FMO1: variants seen among roughly 807,000 people sequenced by gnomAD.
FMO1 encodes the protein flavin containing dimethylaniline monoxygenase 1.
In FMO1, 36 loss-of-function variants were observed where a neutral mutation model predicts 45.4. The ratio of observed to expected loss-of-function variants is 0.79; its 90% CI spans 0.61 to 1.05. FMO1 has a LOEUF of 1.05. Among genes scored for constraint, FMO1 ranks in the 50% least tolerant of loss-of-function variants. FMO1 has a pLI of 0.00. For missense variants in FMO1, 615 were observed against 640.3 expected (o/e 0.96, Z 0.43); for synonymous variants, 228 against 227.2 (o/e 1.00, Z -0.03).
At chr1:171,280,639 A>C in intron 5 of FMO1, 147 bp from the exon 6 acceptor site, 1 of 639,514 alleles carries the variant, frequency 1.6e-6, no homozygotes, top group Non-Finnish European at 2.8e-6. Context: ...AGAAGTTAGA[A>C]GAACCAAGAC....
intron 2 of FMO1, among the ~76,000 whole-genome samples, chr1:171,265,998 A>T (rs1020505555): frequency 3.3e-5 from 5 of 152,204 alleles, no homozygotes; most frequent in Non-Finnish European, 7.4e-5. Flanking sequence ...CATTTTTTTA[A>T]TGTATCTTCA....
At chr1:171,260,912 C>CA (rs71561566) in intron 2 of FMO1, among the ~76,000 whole-genome samples, 16,200 of 53,388 alleles carry the variant, frequency 0.3, 3,384 homozygotes, top group Non-Finnish European at 0.37. Context: ...GGCTCCATCT[C>CA]AAAAAAAAAA....
intron 3 of FMO1, among the ~76,000 whole-genome samples, chr1:171,274,583 A>G (rs2101829820): frequency 6.6e-6 from 1 of 152,350 alleles, no homozygotes; most frequent in South Asian, 2.1e-4. Flanking sequence ...ATGTAGAAAC[A>G]CAATAAGCAC....
chr1:171,278,222 T>C (rs1219636158), intron 4 of FMO1, among the ~76,000 whole-genome samples: 2 of 152,184 alleles, frequency 1.3e-5, no homozygotes, highest in East Asian at 1.9e-4. Flanking sequence ...ACATGAAACT[T>C]TGTGAATAGG....
At chr1:171,249,506 A>G (rs1002446558) in intron 1 of FMO1, among the ~76,000 whole-genome samples, 1 of 152,146 alleles carries the variant, frequency 6.6e-6, no homozygotes, top group African/African-American at 2.4e-5. Flanking sequence ...CAAGTTTCTT[A>G]CCAGCTGTGC....
In FMO1 at chr1:171,280,915, A is replaced by T. The variant is rs1661327126; in HGVS notation, c.757A>T (p.Thr253Ser). 10 of 1,613,902 alleles carry T rather than the reference A, an allele frequency of 6.2e-6. No homozygotes were observed. Among genetic ancestry groups the T allele is most frequent in the Non-Finnish European group, 8.5e-6 (10 of 1,179,856 alleles). ...LRNSLPTPIV[T>S]WLMERKINNW... ...AAATTCCCTCCCAACCCCAATTGTG[A>T]CTTGGTTGATGGAGCGAAAGATAAA... The change falls in exon 6 of 9, where the codon ACT becomes TCT. Residue 253 changes from threonine to serine, a missense_variant. Physicochemically the swap from Thr to Ser is moderately conservative, Grantham distance 58. Coordinates refer to ENST00000617670, the MANE Select transcript of FMO1 (RefSeq NM_001282693.2).
chr1:171,262,599 T>C (rs1263683473), intron 2 of FMO1, among the ~76,000 whole-genome samples: 1 of 152,222 alleles, frequency 6.6e-6, no homozygotes, highest in Non-Finnish European at 1.5e-5. Context: ...AGTGTAAAAA[T>C]ACTTCACACT....
intron 1 of FMO1, among the ~76,000 whole-genome samples, chr1:171,256,000 A>G (rs1377646858): frequency 1.3e-5 from 2 of 152,184 alleles, no homozygotes; most frequent in African/African-American, 2.4e-5. Flanking sequence ...TTGGCCGGGC[A>G]CAGTGGCTCA....
At position 171,258,149 on chromosome 1, in the gene FMO1, G is replaced by A. The variant is rs371790279; in HGVS notation, c.62G>A (p.Cys21Tyr). ...AGCGGCCTGGCCTCCATCAAGTGCTGTCTGGAAGAAGGACTGGAGCCCACC... is the reference window on the plus strand; with the variant it reads ...AGCGGCCTGGCCTCCATCAAGTGCTATCTGGAAGAAGGACTGGAGCCCACC... ...GVSGLASIKC[C>Y]LEEGLEPTCF... Residue 21 changes from cysteine to tyrosine, a missense_variant, in exon 2 of 9, where the codon TGT becomes TAT. Cys to Tyr is a radical substitution (Grantham distance 194). Transcript: ENST00000617670. 1.4e-5 allele frequency: 23 copies of A among 1,614,072 alleles called. No homozygotes were observed. The highest frequency in any genetic ancestry group is 1.9e-5 in the Non-Finnish European group (22 of 1,180,042).
At position 171,280,934 on chromosome 1, in the gene FMO1, A is replaced by G; in HGVS notation, c.776A>G (p.Lys259Arg). Residue 259 changes from lysine to arginine, a missense_variant, in exon 6 of 9, where the codon AAG becomes AGG. By Grantham distance (26) the Lys-to-Arg change is conservative (BLOSUM62 2). Coordinates refer to ENST00000617670, the MANE Select transcript of FMO1 (RefSeq NM_001282693.2). ...TPIVTWLMER[K>R]INNWLNHANY... The stretch of plus-strand genomic sequence containing the variant: ...ATTGTGACTTGGTTGATGGAGCGAA[A>G]GATAAACAACTGGCTCAATCATGCA... The G allele has an allele frequency of 6.2e-7, 1 of 1,613,936 alleles. No homozygotes were observed. The highest frequency in any genetic ancestry group is 8.5e-7 in the Non-Finnish European group (1 of 1,179,858).
At chr1:171,275,286 C>G in intron 3 of FMO1, 60 bp from the exon 4 acceptor site, 1 of 1,345,924 alleles carries the variant, frequency 7.4e-7, no homozygotes, top group Non-Finnish European at 1.1e-6. Context: ...GGTACATCAA[C>G]TGGCAAGTGC....
At chr1:171,279,244 C>A (rs1423136205) in intron 5 of FMO1, among the ~76,000 whole-genome samples, 1 of 152,100 alleles carries the variant, frequency 6.6e-6, no homozygotes, top group Non-Finnish European at 1.5e-5. Context: ...TTACCAACAC[C>A]CTCATCAGGT....
Position 171,281,995 on chromosome 1 carries a change from T to C in FMO1, c.845T>C (p.Phe282Ser), listed in dbSNP as rs960580701. 5 of 1,606,290 alleles carry C rather than the reference T, an allele frequency of 3.1e-6. No homozygotes were observed. Among genetic ancestry groups the C allele is most frequent in the Non-Finnish European group, 4.2e-6 (5 of 1,176,496 alleles). ...TTGTTTAGGACTCAGCTGAAAGAGTTTGTGCTAAATGATGAGCTCCCAGGA... is the reference window on the plus strand; with the variant it reads ...TTGTTTAGGACTCAGCTGAAAGAGTCTGTGCTAAATGATGAGCTCCCAGGA... ...IPEDRTQLKE[F>S]VLNDELPGRI... Residue 282 changes from phenylalanine (F) to serine (S), a missense_variant, in exon 7 of 9, where the codon TTT (phenylalanine) becomes TCT (serine). Coordinates refer to ENST00000617670, the MANE Select transcript of FMO1 (RefSeq NM_001282693.2).
At chr1:171,264,053 G>C (rs1311142219) in intron 2 of FMO1, among the ~76,000 whole-genome samples, 1 of 152,138 alleles carries the variant, frequency 6.6e-6, no homozygotes, top group Non-Finnish European at 1.5e-5. Context: ...AGTTTCCTCT[G>C]TAAGCTACAG....
At position 171,285,637 on chromosome 1, in the gene FMO1, G is replaced by C; in HGVS notation, c.*93G>C. On this transcript the variant is annotated 3_prime_UTR_variant, in exon 9 of 9. Transcript: ENST00000617670. ...AATATTGCCTTCACAGTTATAAACTGTATTCAAATAGTAAAGGCCACCCTC... is the reference window on the plus strand; with the variant it reads ...AATATTGCCTTCACAGTTATAAACTCTATTCAAATAGTAAAGGCCACCCTC... 2.7e-6 allele frequency: 2 copies of C among 745,278 alleles called. No individual in the cohort carries two copies. The highest frequency in any genetic ancestry group is 4.0e-6 in the Non-Finnish European group (2 of 500,378). 46.2% of individuals were successfully genotyped at this position (745,278 alleles called of 1,614,324 possible).
intron 2 of FMO1, among the ~76,000 whole-genome samples, chr1:171,260,469 C>A (rs2101803238): frequency 6.6e-6 from 1 of 151,996 alleles, no homozygotes; most frequent in East Asian, 1.9e-4. Context: ...ACACCCTCCC[C>A]AGAGATTGGA....
chr1:171,275,276 G>A, intron 3 of FMO1, 70 bp from the exon 4 acceptor site: 1 of 1,206,320 alleles, frequency 8.3e-7, no homozygotes, highest in Non-Finnish European at 1.2e-6. Context: ...AAATATCAAT[G>A]GTACATCAAC....
chr1:171,260,844 C>T (rs759379180), intron 2 of FMO1, among the ~76,000 whole-genome samples: 5 of 137,898 alleles, frequency 3.6e-5, no homozygotes, highest in African/African-American at 8.3e-5. Flanking sequence ...GCAGGAGAAT[C>T]GCTGGAACCT....
Position 171,275,527 on chromosome 1 carries a change from CTAACTT to C in FMO1, c.484+23_484+28del. On this transcript the variant is annotated intron_variant, in intron 4 of 8. Transcript: ENST00000617670. ...TTTCCAGGTACAGCATTTTCTGTAA[CTAACTT>C]TAAGTTTTCTCGTGGGAGCCATTCT... The C allele has an allele frequency of 1.3e-6, 2 of 1,592,956 alleles. No homozygotes were observed. Among genetic ancestry groups the C allele is most frequent in the Non-Finnish European group, 1.7e-6 (2 of 1,166,050 alleles).
Sources: allele counts gnomAD v4.1 joint callset (sites outside exome capture counted in the v4.1 genomes callset), GRCh38; gene constraint gnomAD v4.1.1; transcripts MANE v1.5; gene names NCBI Gene and HGNC (gene_info 2026-07-23, HGNC 2026-07-21).